The following AKAP10 variants were observed in gnomAD, a reference collection of about 807,000 sequenced individuals.
AKAP10 encodes the protein A-kinase anchoring protein 10, also known as A-kinase anchor protein 10, mitochondrial.
Under a neutral mutation model 80.8 loss-of-function variants are expected in AKAP10, and 24 were observed. That is an observed-to-expected ratio of 0.30 (90% CI 0.22 to 0.42). The LOEUF (loss-of-function observed/expected upper bound fraction) is 0.42. Among genes scored for constraint, AKAP10 ranks in the 10% least tolerant of loss-of-function variants. AKAP10 has a pLI of 1.00. For missense variants in AKAP10, 661 were observed against 794.9 expected (o/e 0.83, Z 2.03); for synonymous variants, 291 against 277.7 (o/e 1.05, Z -0.48).
chr17:19,921,323 G>T (rs946659402), intron 11 of AKAP10, among the ~76,000 whole-genome samples: 5 of 151,664 alleles, frequency 3.3e-5, no homozygotes, highest in African/African-American at 1.2e-4. Context: ...GCGCCACCAC[G>T]CCCAGCTAAT....
At chr17:19,975,426 G>A (rs1411120569) in intron 1 of AKAP10, among the ~76,000 whole-genome samples, 1 of 152,076 alleles carries the variant, frequency 6.6e-6, no homozygotes, top group Non-Finnish European at 1.5e-5. Context: ...CTCTCTTGAA[G>A]GGCACCATGC....
intron 1 of AKAP10, among the ~76,000 whole-genome samples, chr17:19,971,551 A>T (rs1336679355): frequency 6.6e-6 from 1 of 152,106 alleles, no homozygotes; most frequent in Non-Finnish European, 1.5e-5. Flanking sequence ...CACTCTATAC[A>T]TATCTGACCT....
At chr17:19,974,911 C>A (rs572044062) in intron 1 of AKAP10, among the ~76,000 whole-genome samples, 1 of 152,186 alleles carries the variant, frequency 6.6e-6, no homozygotes, top group African/African-American at 2.4e-5. Context: ...CTCAGGTGAT[C>A]CTCCTGTCTC....
At chr17:19,964,509 A>G (rs1401227207) in intron 2 of AKAP10, among the ~76,000 whole-genome samples, 1 of 152,154 alleles carries the variant, frequency 6.6e-6, no homozygotes, top group Non-Finnish European at 1.5e-5. Context: ...GCTAGAAAGC[A>G]TATTTACTCT....
At chr17:19,954,921 T>A (rs1201388045) in intron 4 of AKAP10, among the ~76,000 whole-genome samples, 31 of 146,178 alleles carry the variant, frequency 2.1e-4, no homozygotes, top group Admixed American at 4.1e-4. Flanking sequence ...AATGTAAATT[T>A]AAAAAAAAAA....
chr17:19,948,268 G>C (rs899156024), intron 4 of AKAP10, among the ~76,000 whole-genome samples: 1 of 152,066 alleles, frequency 6.6e-6, no homozygotes, highest in Non-Finnish European at 1.5e-5. Flanking sequence ...CAGTACCTCC[G>C]TACTCCTGAC....
At chr17:19,915,962 C>T (rs2042738151) in intron 12 of AKAP10, among the ~76,000 whole-genome samples, 2 of 152,194 alleles carry the variant, frequency 1.3e-5, no homozygotes, top group South Asian at 4.1e-4. Flanking sequence ...CAAGTCCTTG[C>T]CATGGTCTCT....
Position 19,947,458 on chromosome 17 carries a change from C to G in AKAP10, c.925G>C (p.Asp309His), listed in dbSNP as rs1356056484. Residue 309 changes from aspartate to histidine, a missense_variant, in exon 5 of 15, where the codon GAT becomes CAT. Coordinates refer to ENST00000225737, the MANE Select transcript of AKAP10 (RefSeq NM_007202.4). ...GTAATTGGTATTGGTTTAGCAGCATCTGGAGATATATATTTGGTAAAAGTA... is the reference window on the plus strand; with the variant it reads ...GTAATTGGTATTGGTTTAGCAGCATGTGGAGATATATATTTGGTAAAAGTA... ...VNTFTKYISPDAAKPIPITEA... is the reference protein window; with the variant it reads ...VNTFTKYISPHAAKPIPITEA... 1 of 1,612,602 alleles carries G rather than the reference C, an allele frequency of 6.2e-7. No homozygotes were observed. Among genetic ancestry groups the G allele is most frequent in the East Asian group, 2.2e-5 (1 of 44,852 alleles).
intron 5 of AKAP10, among the ~76,000 whole-genome samples, chr17:19,946,652 A>C (rs1048721527): frequency 6.7e-6 from 1 of 148,612 alleles, no homozygotes; most frequent in African/African-American, 2.5e-5. Context: ...AACATATAAG[A>C]AAAACTTTTT....
chr17:19,935,099 A>C (rs1252404068), intron 9 of AKAP10, among the ~76,000 whole-genome samples: 2 of 152,188 alleles, frequency 1.3e-5, no homozygotes, highest in Non-Finnish European at 2.9e-5. Context: ...TACTTATACA[A>C]ACCTAGATGG....
intron 1 of AKAP10, among the ~76,000 whole-genome samples, chr17:19,972,271 G>T (rs1464173550): frequency 2.0e-5 from 3 of 151,962 alleles, no homozygotes; most frequent in Admixed American, 1.3e-4. Flanking sequence ...TGTTTCCTTT[G>T]AGGTTAAACA....
chr17:19,911,835 CAAAAAAAAAAAAAA>C (rs71157844), intron 12 of AKAP10, among the ~76,000 whole-genome samples: 1,137 of 55,064 alleles, frequency 0.021, 16 homozygotes, highest in African/African-American at 0.052. Context: ...AACTCTGTCA[CAAAAAAAAAAAAAA>C]AAAAAAAAAA....
chr17:19,928,529 TAA>T (rs1555574153), intron 10 of AKAP10, among the ~76,000 whole-genome samples: 1 of 151,404 alleles, frequency 6.6e-6, no homozygotes, highest in Non-Finnish European at 1.5e-5. Flanking sequence ...TCAATAAGTT[TAA>T]GAGTTACCTC....
intron 12 of AKAP10, among the ~76,000 whole-genome samples, chr17:19,918,578 C>A (rs2042775776): frequency 6.6e-6 from 1 of 152,134 alleles, no homozygotes; most frequent in Admixed American, 6.5e-5. Flanking sequence ...CTCCAGCTTC[C>A]CAAAGTGCTA....
chr17:19,950,632 G>A (rs2043190802), intron 4 of AKAP10, among the ~76,000 whole-genome samples: 1 of 152,384 alleles, frequency 6.6e-6, no homozygotes, highest in Middle Eastern at 3.4e-3. Flanking sequence ...CCAGGCTGGA[G>A]TGCAGTGGCG....
Position 19,958,284 on chromosome 17 carries a change from G to A in AKAP10, c.607C>T (p.Leu203Phe). The A allele has an allele frequency of 6.2e-7, 1 of 1,614,176 alleles. No homozygotes were observed. The highest frequency in any genetic ancestry group is 1.3e-5 in the African/African-American group (1 of 75,052). ...ETTASFLTDS[L>F]DKRLEDSGSA... ...CCAGAATCCTCCAATCTCTTATCAAGAGAATCAGTTAAAAAAGACGCTGTA... is the reference window on the plus strand; with the variant it reads ...CCAGAATCCTCCAATCTCTTATCAAAAGAATCAGTTAAAAAAGACGCTGTA... The change falls in exon 4 of 15, where the codon CTT (leucine) becomes TTT (phenylalanine). Residue 203 changes from leucine (L) to phenylalanine (F), a missense_variant. By Grantham distance (22) the Leu-to-Phe change is conservative. Transcript: ENST00000225737.
At chr17:19,951,876 C>T (rs2043218621) in intron 4 of AKAP10, among the ~76,000 whole-genome samples, 1 of 145,962 alleles carries the variant, frequency 6.9e-6, no homozygotes, top group African/African-American at 2.5e-5. Context: ...CAAGAAACAC[C>T]CAAGAATGAT....
chr17:19,919,682 C>CA (rs1170592053), intron 12 of AKAP10, among the ~76,000 whole-genome samples: 1,888 of 117,916 alleles, frequency 0.016, 9 homozygotes, highest in Non-Finnish European at 0.023. Context: ...AGAACTGTCT[C>CA]AAAAAAAAAA....
chr17:19,938,288 G>A (rs962006442), intron 8 of AKAP10, among the ~76,000 whole-genome samples: 2 of 145,902 alleles, frequency 1.4e-5, no homozygotes, highest in African/African-American at 5.1e-5. Context: ...CCAGCCTGGA[G>A]TGCAGTGGCA....
Sources: gnomAD v4.1 joint callset for allele counts (sites outside exome capture counted in the v4.1 genomes callset) on GRCh38, gnomAD v4.1.1 for gene constraint, MANE v1.5 for transcripts, NCBI Gene and HGNC (gene_info 2026-07-23, HGNC 2026-07-21) for gene names.